GCNT2: variants seen among roughly 807,000 people sequenced by gnomAD.
The protein encoded by GCNT2 is glucosaminyl (N-acetyl) transferase 2 (I blood group).
GCNT2 carries 34 observed loss-of-function variants against 34.2 expected under a neutral mutation model. The observed-to-expected ratio is 1.00, with a 90% confidence interval of 0.76 to 1.32. The LOEUF (loss-of-function observed/expected upper bound fraction) is 1.32, where lower values mean the gene tolerates loss of function less well. Among genes scored for constraint, GCNT2 ranks in the 40% most tolerant of loss-of-function variants. GCNT2 has a pLI of 0.00. For synonymous variants in GCNT2, 212 were observed against 188.0 expected, an observed-to-expected ratio of 1.13 and a Z score of -1.04; for missense variants, 584 against 489.4, an observed-to-expected ratio of 1.19 and a Z score of -1.82.
intron 3 of GCNT2, among the ~76,000 whole-genome samples, chr6:10,533,848 G>A (rs1163817193): frequency 2.1e-5 from 3 of 139,870 alleles, no homozygotes; most frequent in Non-Finnish European, 3.1e-5. Flanking sequence ...ATTTAACTCA[G>A]TTTGAAACAT....
At chr6:10,542,305 C>G (rs1250547675) in intron 3 of GCNT2, among the ~76,000 whole-genome samples, 5 of 152,160 alleles carry the variant, frequency 3.3e-5, no homozygotes, top group Non-Finnish European at 7.3e-5. Context: ...CTGCTACGCA[C>G]TAAACTAATT....
chr6:10,598,513 A>G (rs1470595344), intron 3 of GCNT2, among the ~76,000 whole-genome samples: 4 of 152,192 alleles, frequency 2.6e-5, no homozygotes, highest in African/African-American at 7.2e-5. Context: ...CTGGATGCCA[A>G]CCACCACTAC....
intron 3 of GCNT2, among the ~76,000 whole-genome samples, chr6:10,560,553 A>G (rs1409342385): frequency 6.6e-6 from 1 of 152,224 alleles, no homozygotes; most frequent in African/African-American, 2.4e-5. Context: ...AAAATGTGTT[A>G]GCAAGACCCT....
At chr6:10,607,860 A>T (rs73721317) in intron 3 of GCNT2, among the ~76,000 whole-genome samples, 1 of 151,942 alleles carries the variant, frequency 6.6e-6, no homozygotes, top group Admixed American at 6.6e-5. Flanking sequence ...CTTTTACTCT[A>T]ATTTTGAGAT....
intron 3 of GCNT2, among the ~76,000 whole-genome samples, chr6:10,544,256 G>A (rs1379853091): frequency 6.6e-6 from 1 of 151,864 alleles, no homozygotes; most frequent in Non-Finnish European, 1.5e-5. Context: ...GGAGGTTGCA[G>A]TGAGCCGAGA....
At chr6:10,590,657 G>A (rs1432493534) in intron 3 of GCNT2, among the ~76,000 whole-genome samples, 1 of 151,484 alleles carries the variant, frequency 6.6e-6, no homozygotes, top group Non-Finnish European at 1.5e-5. Flanking sequence ...AGGTTCAAGC[G>A]ATTCTCCTGC....
At chr6:10,591,277 G>A (rs1764629642) in intron 3 of GCNT2, among the ~76,000 whole-genome samples, 1 of 152,226 alleles carries the variant, frequency 6.6e-6, no homozygotes, top group Admixed American at 6.5e-5. Flanking sequence ...GAAGGGTCGG[G>A]AGGGGCAGGA....
At chr6:10,583,506 A>G (rs1051307670) in intron 3 of GCNT2, among the ~76,000 whole-genome samples, 5 of 152,116 alleles carry the variant, frequency 3.3e-5, no homozygotes, top group African/African-American at 1.2e-4. Flanking sequence ...TACCGTCCGC[A>G]TCAATCCCCA....
At chr6:10,610,708 T>C (rs958625268) in intron 3 of GCNT2, among the ~76,000 whole-genome samples, 5 of 152,302 alleles carry the variant, frequency 3.3e-5, no homozygotes, top group Non-Finnish European at 5.9e-5. Context: ...TCTGGAATGT[T>C]GGAGGCATGC....
chr6:10,534,225 TC>T lies in GCNT2; in HGVS notation c.925+4391del, dbSNP rs550380171. On this transcript the variant is annotated intron_variant, in intron 3 of 4. Transcript: ENST00000495262. The stretch of plus-strand genomic sequence containing the variant: ...GATGTCATCTTGGCTCACTGCAACC[TC>T]CTCCTCCTGGGTTCAAGCAATTCTC... Among the ~76,000 whole-genome samples, 23 of 148,254 alleles carry T rather than the reference TC, an allele frequency of 1.6e-4. No homozygotes were observed. In the South Asian group the frequency reaches 5.0e-3, roughly 32 times the overall value.
intron 3 of GCNT2, among the ~76,000 whole-genome samples, chr6:10,568,294 A>C (rs1763375549): frequency 6.8e-6 from 1 of 147,650 alleles, no homozygotes; most frequent in African/African-American, 2.5e-5. Flanking sequence ...CCAGCTTTCC[A>C]CTCACAGTCT....
chr6:10,612,983 A>T (rs1765623916), intron 3 of GCNT2, among the ~76,000 whole-genome samples: 1 of 152,226 alleles, frequency 6.6e-6, no homozygotes, highest in South Asian at 2.1e-4. Flanking sequence ...ACTACCATTG[A>T]ATTGTGAGAA....
intron 1 of GCNT2, among the ~76,000 whole-genome samples, chr6:10,522,853 T>G (rs1358976810): frequency 6.6e-6 from 1 of 152,130 alleles, no homozygotes; most frequent in African/African-American, 2.4e-5. Flanking sequence ...CTGTTCTAGC[T>G]TCTCATAATA....
intron 3 of GCNT2, chr6:10,556,811 G>C (rs748020006): frequency 2.5e-6 from 4 of 1,614,026 alleles, no homozygotes; most frequent in South Asian, 1.1e-5. Context: ...GGATGAAAAA[G>C]CAACAACTGA....
chr6:10,589,591 G>A (rs894330088), intron 3 of GCNT2, among the ~76,000 whole-genome samples: 5 of 152,090 alleles, frequency 3.3e-5, no homozygotes, highest in Non-Finnish European at 7.4e-5. Flanking sequence ...CAGTGGCAAT[G>A]GGAAGTGGCC....
intron 3 of GCNT2, among the ~76,000 whole-genome samples, chr6:10,604,819 AC>A (rs1314768821): frequency 3.3e-5 from 5 of 151,682 alleles, no homozygotes; most frequent in African/African-American, 1.2e-4. Context: ...TGATTGCACC[AC>A]TGCAGTTCAG....
At chr6:10,538,845 G>C (rs1761907316) in intron 3 of GCNT2, among the ~76,000 whole-genome samples, 2 of 152,028 alleles carry the variant, frequency 1.3e-5, no homozygotes, top group Admixed American at 6.6e-5. Context: ...ACATGACCCT[G>C]TTTTAATATT....
chr6:10,534,525 A>C (rs534905036), intron 3 of GCNT2, among the ~76,000 whole-genome samples: 2 of 152,112 alleles, frequency 1.3e-5, no homozygotes, highest in Non-Finnish European at 2.9e-5. Flanking sequence ...CATTGTATTA[A>C]ACAATGAGGA....
At chr6:10,594,266 G>A (rs1158674468) in intron 3 of GCNT2, among the ~76,000 whole-genome samples, 1 of 152,192 alleles carries the variant, frequency 6.6e-6, no homozygotes, top group South Asian at 2.1e-4. Flanking sequence ...CTTTTACAGA[G>A]ACTGGCACAT....
Sources: gnomAD v4.1 joint callset for allele counts (sites outside exome capture counted in the v4.1 genomes callset) on GRCh38, gnomAD v4.1.1 for gene constraint, MANE v1.5 for transcripts, NCBI Gene and HGNC (gene_info 2026-07-23, HGNC 2026-07-21) for gene names.